MTA3: variants seen among roughly 807,000 people sequenced by gnomAD.
MTA3 encodes the protein metastasis-associated protein MTA3.
MTA3 carries 34 observed loss-of-function variants against 83.5 expected under a neutral mutation model. The ratio of observed to expected loss-of-function variants is 0.41; its 90% CI spans 0.31 to 0.54. The LOEUF (loss-of-function observed/expected upper bound fraction) is 0.54, where lower values mean the gene tolerates loss of function less well. MTA3 is among the 20% of genes least tolerant of loss of function. MTA3 has a pLI of 0.33. For synonymous variants in MTA3, 303 were observed against 252.7 expected (o/e 1.20, Z -1.89); for missense variants, 761 against 726.4 (o/e 1.05, Z -0.55).
intron 9 of MTA3, among the ~76,000 whole-genome samples, chr2:42,683,645 T>C (rs2104440993): frequency 6.6e-6 from 1 of 152,304 alleles, no homozygotes; most frequent in East Asian, 1.9e-4. Flanking sequence ...TGGGAGATAG[T>C]GATAGATCAT....
chr2:42,674,867 T>G (rs1691190917), intron 8 of MTA3, among the ~76,000 whole-genome samples: 1 of 151,868 alleles, frequency 6.6e-6, no homozygotes, highest in Non-Finnish European at 1.5e-5. Flanking sequence ...CCCAAAGTGC[T>G]GGGATTAGAG....
At chr2:42,532,048 G>T (rs542947499) in intron 2 of MTA3, among the ~76,000 whole-genome samples, 6 of 152,284 alleles carry the variant, frequency 3.9e-5, no homozygotes, top group African/African-American at 1.4e-4. Context: ...GAGCCACCAC[G>T]CCCGACCAAA....
At chr2:42,538,775 T>G (rs1676382861) in intron 2 of MTA3, among the ~76,000 whole-genome samples, 4 of 117,042 alleles carry the variant, frequency 3.4e-5, no homozygotes, top group Non-Finnish European at 5.4e-5. Context: ...TTGTTTTTTT[T>G]TGTTTTTTTT....
At chr2:42,709,172 TTTTG>T (rs1486310721) in intron 14 of MTA3, 76 bp downstream of exon 14, 36 of 1,497,034 alleles carry the variant, frequency 2.4e-5, no homozygotes, top group Middle Eastern at 2.3e-4. Flanking sequence ...TTCCTTTTTT[TTTTG>T]TTTGTTTGTT....
chr2:42,554,017 T>A (rs570653283), intron 2 of MTA3, among the ~76,000 whole-genome samples: 1 of 151,312 alleles, frequency 6.6e-6, no homozygotes, highest in South Asian at 2.1e-4. Flanking sequence ...GTGGATCACC[T>A]GAGGTCAGGA....
chr2:42,594,705 C>CATATATATATATATATATATATATATAT (rs1167117095), intron 3 of MTA3, among the ~76,000 whole-genome samples: 6 of 46,520 alleles, frequency 1.3e-4, no homozygotes, highest in Admixed American at 9.0e-4. Context: ...TATAAATATA[C>CATATATATATATATATATATATATATAT]ATATATATAT....
intron 2 of MTA3, among the ~76,000 whole-genome samples, chr2:42,527,859 G>T (rs897065961): frequency 6.6e-6 from 1 of 150,910 alleles, no homozygotes; most frequent in African/African-American, 2.4e-5. Flanking sequence ...GCTATTTCTC[G>T]AACATAGTAA....
intron 8 of MTA3, among the ~76,000 whole-genome samples, chr2:42,660,732 C>G (rs191696693): frequency 5.9e-5 from 9 of 152,278 alleles, no homozygotes; most frequent in Admixed American, 3.3e-4. Context: ...ATATTGTTTT[C>G]TAATGAAATG....
chr2:42,517,437 G>A (rs780410880), intron 2 of MTA3, among the ~76,000 whole-genome samples: 1 of 151,414 alleles, frequency 6.6e-6, no homozygotes, highest in Non-Finnish European at 1.5e-5. Flanking sequence ...GCTGGATGTG[G>A]TGGCACATGC....
intron 5 of MTA3, 84 bp from the exon 6 acceptor site, chr2:42,644,043 G>A: frequency 1.3e-6 from 1 of 792,358 alleles, no homozygotes; most frequent in Middle Eastern, 2.7e-4. Context: ...GGGTTTATAT[G>A]TTCATTGTAG....
chr2:42,659,982 G>C, intron 8 of MTA3, 120 bp downstream of exon 8: 1 of 551,748 alleles, frequency 1.8e-6, no homozygotes, highest in Non-Finnish European at 2.9e-6. Flanking sequence ...CTGACTGCTA[G>C]GTTGATTTGG....
chr2:42,511,572 T>G, intron 2 of MTA3: 1 of 152,048 alleles, frequency 6.6e-6, no homozygotes, highest in East Asian at 1.9e-4. Flanking sequence ...CAAAATTAGC[T>G]GGGCATGGTG....
intron 2 of MTA3, among the ~76,000 whole-genome samples, chr2:42,525,487 C>T (rs1188743048): frequency 6.8e-6 from 1 of 147,868 alleles, no homozygotes; most frequent in Non-Finnish European, 1.5e-5. Context: ...TCCTTCCTTC[C>T]TTCCTTCCTT....
intron 12 of MTA3, among the ~76,000 whole-genome samples, chr2:42,706,956 TA>T (rs1389041854): frequency 1.2e-4 from 18 of 152,154 alleles, no homozygotes; most frequent in East Asian, 9.7e-4. Flanking sequence ...TCTCCTCCCC[TA>T]CTCCCTCCCT....
In MTA3 at chr2:42,675,769, A is replaced by G. The variant is rs138081333; in HGVS notation, c.703-6632A>G. Among the ~76,000 whole-genome samples the G allele has an allele frequency of 7.2e-5, 11 of 152,094 alleles. No homozygotes were observed. In the East Asian group the frequency reaches 2.1e-3, roughly 29 times the overall value. On this transcript the variant is annotated intron_variant, in intron 8 of 16. Coordinates refer to ENST00000405094, the MANE Select transcript of MTA3 (RefSeq NM_001330442.2). ...TTTTCCTAGCTTATTTTCTTTATTT[A>G]CCCTACATTTTCTCTACTGGATTTT... is the stretch of plus-strand genomic sequence containing the variant.
intron 3 of MTA3, among the ~76,000 whole-genome samples, chr2:42,607,772 GA>G (rs1213483486): frequency 2.0e-5 from 3 of 152,136 alleles, no homozygotes; most frequent in African/African-American, 7.2e-5. Context: ...GCAACATGAT[GA>G]AACCCTGTCT....
In MTA3 at chr2:42,704,887, C is replaced by T. The variant is rs537443592; in HGVS notation, c.1150+569C>T. ...GTTAAATGGGGTCGGTGAAGTGAACCGTTAGGTAGTTGATAGACTTTGTGT... is the reference window on the plus strand; with the variant it reads ...GTTAAATGGGGTCGGTGAAGTGAACTGTTAGGTAGTTGATAGACTTTGTGT... On this transcript the variant is annotated intron_variant, in intron 12 of 16. Transcript: ENST00000405094. 1.8e-4 allele frequency among the ~76,000 whole-genome samples: 28 copies of T among 152,152 alleles called. No homozygotes were observed. The South Asian group carries it at 2.7e-3, about 15-fold the overall frequency.
At position 42,551,056 on chromosome 2, in the gene MTA3, TAAA is replaced by T. The variant is rs1677083738; in HGVS notation, c.-140-19380_-140-19378del. Among the ~76,000 whole-genome samples the T allele has an allele frequency of 2.7e-5, 4 of 145,518 alleles. 1 individual carries two copies. Among genetic ancestry groups the T allele is most frequent in the African/African-American group, 1.1e-4 (4 of 36,830 alleles). Reference sequence around the variant, plus strand: ...CAGAACCAGACTCTGACTAAATAAATAAATAAATAAATAAATAAATAAATAAAT... The same window carrying T: ...CAGAACCAGACTCTGACTAAATAAATTAAATAAATAAATAAATAAATAAAT... On this transcript the variant is annotated intron_variant, in intron 2 of 17. Transcript: ENST00000405592.
intron 16 of MTA3, among the ~76,000 whole-genome samples, chr2:42,737,194 G>C (rs573967917): frequency 1.3e-5 from 2 of 152,298 alleles, no homozygotes; most frequent in African/African-American, 4.8e-5. Flanking sequence ...ACAGCACCAG[G>C]ATTTGCCTAG....
Sources: gnomAD v4.1 joint callset for allele counts (sites outside exome capture counted in the v4.1 genomes callset) on GRCh38, gnomAD v4.1.1 for gene constraint, MANE v1.5 for transcripts, NCBI Gene and HGNC (gene_info 2026-07-23, HGNC 2026-07-21) for gene names.